Variants in OTUD7B observed in about 807,000 individuals in gnomAD.
OTUD7B encodes OTU deubiquitinase 7B.
In OTUD7B, 34 loss-of-function variants were observed where a neutral mutation model predicts 82.2. The observed-to-expected ratio is 0.41, with a 90% CI of 0.31 to 0.55. The LOEUF (loss-of-function observed/expected upper bound fraction) is 0.55, where lower values mean the gene tolerates loss of function less well. Ranked by LOEUF, OTUD7B falls within the 20% of genes least tolerant of loss-of-function variation. OTUD7B has a pLI of 0.20. For synonymous variants in OTUD7B, 398 were observed against 402.7 expected (o/e 0.99, Z 0.14); for missense variants, 944 against 1,062.1 (o/e 0.89, Z 1.55).
the OTUD7B span, among the ~76,000 whole-genome samples, chr1:150,046,993 C>T: frequency 2.0e-5 from 3 of 152,042 alleles, no homozygotes; most frequent in Admixed American, 2.0e-4. Context: ...ATTGCTTGAA[C>T]CCGGGAGGCG....
At chr1:150,016,410 C>T in the OTUD7B span, among the ~76,000 whole-genome samples, 28 of 151,192 alleles carry the variant, frequency 1.9e-4, no homozygotes, top group African/African-American at 6.3e-4. Context: ...TGAAAAAGCC[C>T]TGATTTGTAA....
chr1:150,001,613 A>G (rs73011925), intron 1 of OTUD7B, among the ~76,000 whole-genome samples: 3,244 of 152,282 alleles, frequency 0.021, 95 homozygotes, highest in African/African-American at 0.071. Flanking sequence ...GAATTCAGAT[A>G]AGTACTCACT....
At chr1:149,968,269 A>AAG (rs1649659841) in intron 3 of OTUD7B, among the ~76,000 whole-genome samples, 1 of 151,156 alleles carries the variant, frequency 6.6e-6, no homozygotes, top group African/African-American at 2.4e-5. Context: ...TTTCAAAAAA[A>AAG]AAAAAAAAAG....
the OTUD7B span, among the ~76,000 whole-genome samples, chr1:150,057,329 A>G: frequency 2.0e-5 from 3 of 152,242 alleles, no homozygotes; most frequent in Non-Finnish European, 2.9e-5. Flanking sequence ...GGTAAAGAGT[A>G]TAAGGGAACT....
the OTUD7B span, among the ~76,000 whole-genome samples, chr1:150,027,805 A>G: frequency 2.0e-5 from 3 of 151,966 alleles, no homozygotes; most frequent in African/African-American, 7.3e-5. Context: ...TGAAATAATT[A>G]TATTCTATTC....
intron 1 of OTUD7B, among the ~76,000 whole-genome samples, chr1:149,998,350 G>T (rs1464403229): frequency 2.0e-5 from 3 of 152,068 alleles, no homozygotes; most frequent in Non-Finnish European, 4.4e-5. Context: ...TTCAGTATAA[G>T]TATAAAAACC....
At chr1:149,996,501 T>TA (rs1559863211) in intron 1 of OTUD7B, among the ~76,000 whole-genome samples, 2 of 152,256 alleles carry the variant, frequency 1.3e-5, no homozygotes, top group Non-Finnish European at 2.9e-5. Context: ...TGGAATCCGT[T>TA]AGAGCTATAT....
At chr1:150,012,507 C>T (rs1464290427), upstream of OTUD7B, among the ~76,000 whole-genome samples, 2 of 152,092 alleles carry the variant, frequency 1.3e-5, no homozygotes, top group African/African-American at 4.8e-5. Context: ...CTTGTTTCAC[C>T]ACAGCTGTCC....
At chr1:149,969,007 A>G (rs1431893492) in intron 3 of OTUD7B, among the ~76,000 whole-genome samples, 1 of 151,810 alleles carries the variant, frequency 6.6e-6, no homozygotes, top group African/African-American at 2.4e-5. Flanking sequence ...GTGAGCCACC[A>G]CACCCACCTT....
intron 1 of OTUD7B, among the ~76,000 whole-genome samples, chr1:150,004,198 C>T (rs2101937696): frequency 6.6e-6 from 1 of 152,252 alleles, no homozygotes; most frequent in Non-Finnish European, 1.5e-5. Flanking sequence ...AATCTCCATT[C>T]CCTCCCAGCC....
At chr1:149,947,006 T>C (rs112828529) in intron 11 of OTUD7B, among the ~76,000 whole-genome samples, 2,731 of 152,290 alleles carry the variant, frequency 0.018, 68 homozygotes, top group African/African-American at 0.059. Flanking sequence ...TGAGCCAAGA[T>C]TGTGCCATTG....
At chr1:149,968,714 T>C (rs1649690566) in intron 3 of OTUD7B, among the ~76,000 whole-genome samples, 1 of 152,104 alleles carries the variant, frequency 6.6e-6, no homozygotes, top group Non-Finnish European at 1.5e-5. Flanking sequence ...TTAGTTTTGT[T>C]TGTTTTTGTT....
At chr1:150,021,838 A>G in the OTUD7B span, among the ~76,000 whole-genome samples, 4 of 152,302 alleles carry the variant, frequency 2.6e-5, no homozygotes, top group East Asian at 7.7e-4. Context: ...AAGGGAGAAA[A>G]AAGGTGTGAA....
intron 3 of OTUD7B, among the ~76,000 whole-genome samples, chr1:149,968,451 T>C (rs1649673132): frequency 1.3e-5 from 2 of 152,166 alleles, no homozygotes; most frequent in South Asian, 4.1e-4. Context: ...CCCCACATCA[T>C]TTCATTTGTT....
At chr1:150,040,373 G>A in the OTUD7B span, among the ~76,000 whole-genome samples, 4 of 152,204 alleles carry the variant, frequency 2.6e-5, no homozygotes, top group African/African-American at 9.6e-5. Context: ...CACTTAGCTT[G>A]TATTAAAGGA....
At chr1:150,035,459 T>G in the OTUD7B span, among the ~76,000 whole-genome samples, 1 of 152,022 alleles carries the variant, frequency 6.6e-6, no homozygotes, top group Non-Finnish European at 1.5e-5. Context: ...CAAAATACAG[T>G]GCTATTTAGA....
At chr1:149,950,753 C>T (rs782754012) in intron 7 of OTUD7B, among the ~76,000 whole-genome samples, 48 of 149,430 alleles carry the variant, frequency 3.2e-4, no homozygotes, top group Non-Finnish European at 6.5e-4. Context: ...CCAGTAGTCA[C>T]GTGATTTAAC....
the OTUD7B span, among the ~76,000 whole-genome samples, chr1:150,015,827 C>A: frequency 6.6e-6 from 1 of 152,102 alleles, no homozygotes; most frequent in African/African-American, 2.4e-5. Flanking sequence ...ACTAATGGAT[C>A]ATGGGGCTCC....
chr1:149,946,368 A>T (rs1283360749), intron 11 of OTUD7B, among the ~76,000 whole-genome samples: 9 of 152,006 alleles, frequency 5.9e-5, no homozygotes, highest in African/African-American at 2.2e-4. Flanking sequence ...CGTCTCAAAA[A>T]ATATATATAT....
Sources: gnomAD v4.1 joint callset for allele counts (sites outside exome capture counted in the v4.1 genomes callset) on GRCh38, gnomAD v4.1.1 for gene constraint, MANE v1.5 for transcripts, NCBI Gene and HGNC (gene_info 2026-07-23, HGNC 2026-07-21) for gene names.